FSTL4: variants seen among roughly 807,000 people sequenced by gnomAD.
The protein encoded by FSTL4 is follistatin like 4, also known as follistatin-related protein 4.
In FSTL4, 28 loss-of-function variants were observed where a neutral mutation model predicts 78.2. The observed-to-expected ratio is 0.36, with a 90% confidence interval of 0.27 to 0.49. The LOEUF (loss-of-function observed/expected upper bound fraction) is 0.49, where lower values mean the gene tolerates loss of function less well. Among genes scored for constraint, FSTL4 ranks in the 20% least tolerant of loss-of-function variants. The pLI, the probability that FSTL4 is intolerant of heterozygous loss-of-function variation, is 0.98. For synonymous variants in FSTL4, 422 were observed against 440.5 expected (o/e 0.96, Z 0.53); for missense variants, 922 against 1,084.9 (o/e 0.85, Z 2.11).
chr5:133,354,497 C>T (rs1375330209), intron 4 of FSTL4, among the ~76,000 whole-genome samples: 1 of 152,160 alleles, frequency 6.6e-6, no homozygotes, highest in African/African-American at 2.4e-5. Flanking sequence ...CCTTGGTGGC[C>T]CAGGCCCAGG....
At chr5:133,279,995 A>C (rs530172801) in intron 6 of FSTL4, among the ~76,000 whole-genome samples, 1 of 152,330 alleles carries the variant, frequency 6.6e-6, no homozygotes, top group South Asian at 2.1e-4. Context: ...GAGCCACCAG[A>C]AGTGGAAGAG....
chr5:133,508,854 A>G (rs1446428410), intron 3 of FSTL4, among the ~76,000 whole-genome samples: 1 of 152,158 alleles, frequency 6.6e-6, no homozygotes, highest in African/African-American at 2.4e-5. Flanking sequence ...GATATTTTAC[A>G]TGCTCCTTAG....
intron 4 of FSTL4, among the ~76,000 whole-genome samples, chr5:133,324,202 G>A (rs1201936159): frequency 6.6e-6 from 1 of 152,220 alleles, no homozygotes; most frequent in Non-Finnish European, 1.5e-5. Context: ...TTCTGTGGCA[G>A]GTGAAGCTCC....
chr5:133,321,733 G>A (rs2126897983), intron 4 of FSTL4, among the ~76,000 whole-genome samples: 1 of 152,342 alleles, frequency 6.6e-6, no homozygotes, highest in East Asian at 1.9e-4. Flanking sequence ...CCTGGGATGG[G>A]GAGACTCAGA....
intron 6 of FSTL4, among the ~76,000 whole-genome samples, chr5:133,309,731 G>A (rs1240148664): frequency 1.3e-5 from 2 of 152,142 alleles, no homozygotes; most frequent in African/African-American, 4.8e-5. Flanking sequence ...GGGTACAACA[G>A]CCCCAAACCC....
At chr5:133,540,738 A>T (rs1237898595) in intron 3 of FSTL4, among the ~76,000 whole-genome samples, 1 of 150,434 alleles carries the variant, frequency 6.6e-6, no homozygotes, top group Non-Finnish European at 1.5e-5. Context: ...AAAAAAAAAA[A>T]AGAAAGAAAA....
At chr5:133,679,562 G>GGGAC in the FSTL4 span, among the ~76,000 whole-genome samples, 1 of 152,220 alleles carries the variant, frequency 6.6e-6, no homozygotes, top group South Asian at 2.1e-4. Flanking sequence ...AAGCCAAGAA[G>GGGAC]GGACCTTCTT....
the FSTL4 span, among the ~76,000 whole-genome samples, chr5:133,799,473 C>T: frequency 1.4e-5 from 2 of 138,658 alleles, no homozygotes; most frequent in South Asian, 2.3e-4. Context: ...TCCATACCTC[C>T]GAGCTCCTGA....
chr5:133,712,885 C>A, the FSTL4 span, among the ~76,000 whole-genome samples: 3 of 152,272 alleles, frequency 2.0e-5, no homozygotes. Flanking sequence ...GAGGTCCAGG[C>A]CGTGTGTGAT....
chr5:133,807,134 C>T, the FSTL4 span, among the ~76,000 whole-genome samples: 417 of 152,338 alleles, frequency 2.7e-3, 2 homozygotes, highest in African/African-American at 9.3e-3. Flanking sequence ...TCACATTAAG[C>T]GGTCTGCTGG....
chr5:133,674,828 GTTC>G, the FSTL4 span, among the ~76,000 whole-genome samples: 329 of 152,254 alleles, frequency 2.2e-3, 3 homozygotes, highest in African/African-American at 7.6e-3. Flanking sequence ...GAAATTGAAT[GTTC>G]TTCTTCACAT....
rs1001028890 is a variant in FSTL4 at position 133,440,165 on chromosome 5, C to T, written c.161-39179G>A. Among the ~76,000 whole-genome samples the T allele has an allele frequency of 5.9e-5, 9 of 152,116 alleles. No homozygotes were observed. The highest frequency in any genetic ancestry group is 6.3e-3 in the Middle Eastern group (2 of 316). On this transcript the variant is annotated intron_variant, in intron 3 of 15. Transcript: ENST00000265342. The surrounding 1 kb of genome is among the most constrained non-coding windows in gnomAD (Gnocchi z 4.1). ...TAGTACAGGAGAGAGCTCTGGAACCCGGGGCTACACCCATTCACTGAATAA... is the reference window on the plus strand; with the variant it reads ...TAGTACAGGAGAGAGCTCTGGAACCTGGGGCTACACCCATTCACTGAATAA...
chr5:133,732,772 C>A, the FSTL4 span, among the ~76,000 whole-genome samples: 2 of 152,206 alleles, frequency 1.3e-5, no homozygotes, highest in Non-Finnish European at 2.9e-5. Context: ...GCCTGCACGG[C>A]CCACAGTGCA....
chr5:133,752,909 C>A, the FSTL4 span, among the ~76,000 whole-genome samples: 3 of 152,022 alleles, frequency 2.0e-5, no homozygotes, highest in Non-Finnish European at 4.4e-5. Context: ...GCTCTGAGCC[C>A]CACACTTTCT....
At chr5:133,641,333 T>C in the FSTL4 span, among the ~76,000 whole-genome samples, 7 of 152,156 alleles carry the variant, frequency 4.6e-5, no homozygotes, top group African/African-American at 7.2e-5. Flanking sequence ...TCAGGCTCAA[T>C]AGGACAAGGG....
At chr5:133,506,627 G>A (rs1043778136) in intron 3 of FSTL4, among the ~76,000 whole-genome samples, 2 of 152,180 alleles carry the variant, frequency 1.3e-5, no homozygotes, top group Admixed American at 6.5e-5. Context: ...TGTAACGGGG[G>A]AATAATTTGC....
the FSTL4 span, among the ~76,000 whole-genome samples, chr5:133,840,353 G>A: frequency 6.6e-6 from 1 of 152,176 alleles, no homozygotes; most frequent in Non-Finnish European, 1.5e-5. Flanking sequence ...GGAGAGAAGG[G>A]GAAATTTATT....
rs1026190783 is a variant in FSTL4 at position 133,233,526 on chromosome 5, C to T, written c.906G>A (p.Glu302=). The T allele has an allele frequency of 6.2e-7, 1 of 1,613,940 alleles. No homozygotes were observed. Among genetic ancestry groups the T allele is most frequent in the Non-Finnish European group, 8.5e-7 (1 of 1,179,980 alleles). ...CCTTGGTGATGTACAGGGAATCATC[C>T]TCTCCAAAGTCCTGCACAGGGCAAA... ...LDLEDINDFG[E]DDSLYITKVT... is the part of the protein sequence containing the mutation. The change falls in exon 8 of 16, where the codon GAG becomes GAA. Residue 302 remains glutamate, a synonymous_variant. Transcript: ENST00000265342.
the FSTL4 span, among the ~76,000 whole-genome samples, chr5:133,716,636 G>A: frequency 6.6e-6 from 1 of 152,018 alleles, no homozygotes; most frequent in East Asian, 1.9e-4. Flanking sequence ...ATTTTATCTT[G>A]ACTAATACAT....
Sources: gnomAD v4.1 joint callset for allele counts (sites outside exome capture counted in the v4.1 genomes callset) on GRCh38, gnomAD v4.1.1 for gene constraint, Gnocchi (gnomAD v3.1) non-coding constraint, MANE v1.5 for transcripts, NCBI Gene and HGNC (gene_info 2026-07-23, HGNC 2026-07-21) for gene names.